The following CARMIL2 variants were observed in gnomAD, a reference collection of about 807,000 sequenced individuals.
The protein encoded by CARMIL2 is capping protein regulator and myosin 1 linker 2.
In CARMIL2, 96 loss-of-function variants were observed where a neutral mutation model predicts 173.3. The observed-to-expected ratio is 0.55, with a 90% confidence interval of 0.47 to 0.66. The LOEUF (loss-of-function observed/expected upper bound fraction) is 0.66. CARMIL2 is among the 30% of genes least tolerant of loss of function. The pLI is 0.00. For missense variants in CARMIL2, 1,771 were observed against 1,906.7 expected, an observed-to-expected ratio of 0.93 and a Z score of 1.33; for synonymous variants, 830 against 817.1, an observed-to-expected ratio of 1.02 and a Z score of -0.27.
chr16:67,651,264 C>T lies in CARMIL2; in HGVS notation c.2262C>T (p.Ala754=), dbSNP rs754294400. The part of the protein sequence containing the change: ...LGCGAGPQGE[A]AVRQAEDAIQ... ...GTGGGGCTGGGCCCCAGGGTGAAGC[C>T]GCTGTGCGCCAGGCCGAGGATGCCA... is the stretch of plus-strand genomic sequence containing the variant. The change falls in exon 23 of 38, where the codon GCC becomes GCT. Residue 754 remains alanine, a synonymous_variant. Coordinates refer to ENST00000334583, the MANE Select transcript of CARMIL2 (RefSeq NM_001013838.3). The surrounding 1 kb of genome is among the most constrained non-coding windows in gnomAD (Gnocchi z 4.2). The T allele has an allele frequency of 1.3e-5, 21 of 1,613,398 alleles. No individual in the cohort carries two copies. The highest frequency in any genetic ancestry group is 2.2e-5 in the East Asian group (1 of 44,888).
chr16:67,655,945 G>C, intron 32 of CARMIL2, 86 bp from the exon 33 acceptor site: 1 of 1,497,282 alleles, frequency 6.7e-7, no homozygotes, highest in Non-Finnish European at 9.1e-7. Context: ...GGCATTCAGT[G>C]GCAGGATTAT....
At chr16:67,654,057 G>A in intron 29 of CARMIL2, 92 bp from the exon 30 acceptor site, 1 of 823,936 alleles carries the variant, frequency 1.2e-6, no homozygotes, top group Non-Finnish European at 1.9e-6. Context: ...GAATCCTGGA[G>A]TTATTCAGTC....
Position 67,651,108 on chromosome 16 carries a change from A to G in CARMIL2, c.2185-79A>G. On this transcript the variant is annotated intron_variant, in intron 22 of 37. Coordinates refer to ENST00000334583, the MANE Select transcript of CARMIL2 (RefSeq NM_001013838.3). The surrounding 1 kb of genome is among the most constrained non-coding windows in gnomAD (Gnocchi z 4.2). The stretch of plus-strand genomic sequence containing the variant: ...TCAGCTTCAGGACCTCCCTCTGTTA[A>G]AGAGCCTGGGAGGAAGGCAGGCAGG... The G allele has an allele frequency of 1.3e-6, 2 of 1,525,800 alleles. No individual in the cohort carries two copies. Among genetic ancestry groups the G allele is most frequent in the Non-Finnish European group, 1.8e-6 (2 of 1,125,832 alleles). The allele number at this position is 1,525,800 out of a possible 1,614,324, so 94.5% of individuals were successfully genotyped here. A position where few individuals can be genotyped will look rare whatever the true frequency, so the allele number is the denominator to read the frequency against.
Position 67,653,702 on chromosome 16 carries a change from G to C in CARMIL2, c.3121-447G>C, listed in dbSNP as rs2052773831. Among the ~76,000 whole-genome samples, 1 of 152,142 alleles carries C rather than the reference G, an allele frequency of 6.6e-6. No homozygotes were observed. The highest frequency in any genetic ancestry group is 2.4e-5 in the African/African-American group (1 of 41,448). The stretch of plus-strand genomic sequence containing the variant: ...GCAGCGGGCACTGGCGGAGGGCGGG[G>C]AGGAGCCGGCTTGAGGCCCCCCAGA... On this transcript the variant is annotated intron_variant, in intron 29 of 37. Transcript: ENST00000334583. This position sits in a 1 kb window ranked among gnomAD's most constrained non-coding sequence, Gnocchi z 7.4.
At chr16:67,654,978 AGACTCAT>A in intron 32 of CARMIL2, 78 bp downstream of exon 32, 1 of 1,559,804 alleles carries the variant, frequency 6.4e-7, no homozygotes. Flanking sequence ...AAGATGGAGG[AGACTCAT>A]GACAGATAGG....
In CARMIL2 at chr16:67,653,059, T is replaced by C; in HGVS notation, c.2925T>C (p.Ala975=). Residue 975 remains alanine, a synonymous_variant, in exon 29 of 38, where the codon GCT becomes GCC. Transcript: ENST00000334583. The surrounding 1 kb of genome is among the most constrained non-coding windows in gnomAD (Gnocchi z 7.4). The part of the protein sequence containing the change: ...EEAEPEPELA[A]PGEDAEPQAG... ...CGGAGCCGGAGCCCGAGCTGGCGGCTCCGGGAGAAGATGCAGAGCCGCAGG... is the reference window on the plus strand; with the variant it reads ...CGGAGCCGGAGCCCGAGCTGGCGGCCCCGGGAGAAGATGCAGAGCCGCAGG... The C allele has an allele frequency of 2.4e-6, 3 of 1,268,166 alleles. No individual in the cohort carries two copies. Among genetic ancestry groups the C allele is most frequent in the Non-Finnish European group, 2.0e-6 (2 of 996,562 alleles). 78.6% of individuals were successfully genotyped at this position (1,268,166 alleles called of 1,614,324 possible). A position where few individuals can be genotyped will look rare whatever the true frequency, so the allele number is the denominator to read the frequency against.
Position 67,652,299 on chromosome 16 carries a change from G to A in CARMIL2, c.2777G>A (p.Gly926Asp), listed in dbSNP as rs1243753457. The A allele has an allele frequency of 6.2e-7, 1 of 1,613,316 alleles. No individual in the cohort carries two copies. The highest frequency in any genetic ancestry group is 8.5e-7 in the Non-Finnish European group (1 of 1,179,846). Residue 926 changes from glycine to aspartate, a missense_variant, in exon 27 of 38, where the codon GGT becomes GAT. This residue lies in a region of CARMIL2 where 817 missense variants were observed against 903.5 expected (regional missense o/e 0.90). Transcript: ENST00000334583. This position sits in a 1 kb window ranked among gnomAD's most constrained non-coding sequence, Gnocchi z 4.7. ...CTCCTTGAGCCTGGGGAATTGGAAG[G>A]TCTTTTCTTCCCCGAGGAGAAGGAA... ...PSLLEPGELE[G>D]LFFPEEKEEE...
In CARMIL2 at chr16:67,648,896, C is replaced by T. The variant is rs746709858; in HGVS notation, c.1513C>T (p.Arg505Cys). 7 of 1,603,782 alleles carry T rather than the reference C, an allele frequency of 4.4e-6. No homozygotes were observed. In the African/African-American group the frequency reaches 5.4e-5, roughly 12 times the overall value. The part of the protein sequence containing the change: ...LHLDLSACEL[R>C]SAGAQVIQDL... ...ACCTCCCACCTCCCACATACAGCTG[C>T]GCTCGGCCGGCGCCCAGGTGATACA... is the stretch of plus-strand genomic sequence containing the variant. Residue 505 changes from arginine (R) to cysteine (C), a missense_variant, in exon 17 of 38, where the codon CGC becomes TGC. By Grantham distance (180) the Arg-to-Cys change is radical. This residue lies in a region of CARMIL2 where 944 missense variants were observed against 975.6 expected (regional missense o/e 0.97). Transcript: ENST00000334583. The surrounding 1 kb of genome is among the most constrained non-coding windows in gnomAD (Gnocchi z 6.1).
At chr16:67,645,971 A>T in intron 3 of CARMIL2, 47 bp from the exon 4 acceptor site, 1 of 1,609,548 alleles carries the variant, frequency 6.2e-7, no homozygotes, top group South Asian at 1.1e-5. Flanking sequence ...GACTTCCATG[A>T]GGGCGGGGCT....
At chr16:67,656,969 G>C (rs2052874491) in intron 36 of CARMIL2, 88 bp downstream of exon 36, 1 of 1,104,122 alleles carries the variant, frequency 9.1e-7, no homozygotes, top group African/African-American at 1.6e-5. Flanking sequence ...TTGGTCCTTG[G>C]AGGGAGCCAC....
Position 67,653,051 on chromosome 16 carries a change from C to G in CARMIL2, c.2917C>G (p.Leu973Val), listed in dbSNP as rs1159934735. ...AAEEAEPEPE[L>V]AAPGEDAEPQ... Reference sequence around the variant, plus strand: ...TGAGGAAGCGGAGCCGGAGCCCGAGCTGGCGGCTCCGGGAGAAGATGCAGA... The same window carrying G: ...TGAGGAAGCGGAGCCGGAGCCCGAGGTGGCGGCTCCGGGAGAAGATGCAGA... The change falls in exon 29 of 38, where the codon CTG (leucine) becomes GTG (valine). Residue 973 changes from leucine to valine, a missense_variant. This residue lies in a region of CARMIL2 where 817 missense variants were observed against 903.5 expected (regional missense o/e 0.90). Transcript: ENST00000334583. The surrounding 1 kb of genome is among the most constrained non-coding windows in gnomAD (Gnocchi z 7.4). 3.9e-6 allele frequency: 5 copies of G among 1,271,174 alleles called. No homozygotes were observed. Among genetic ancestry groups the G allele is most frequent in the African/African-American group, 1.6e-5 (1 of 61,322 alleles). The allele number at this position is 1,271,174 out of a possible 1,614,324, so 78.7% of individuals were successfully genotyped here.
Position 67,652,287 on chromosome 16 carries a change from G to T in CARMIL2, c.2765G>T (p.Gly922Val), listed in dbSNP as rs1384850111. ...GGTGAGCCCAGCCTCCTTGAGCCTG[G>T]GGAATTGGAAGGTCTTTTCTTCCCC... ...DGGEPSLLEP[G>V]ELEGLFFPEE... Residue 922 changes from glycine (G) to valine (V), a missense_variant, in exon 27 of 38, where the codon GGG (glycine) becomes GTG (valine). This residue lies in a region of CARMIL2 where 817 missense variants were observed against 903.5 expected (regional missense o/e 0.90). Coordinates refer to ENST00000334583, the MANE Select transcript of CARMIL2 (RefSeq NM_001013838.3). This position sits in a 1 kb window ranked among gnomAD's most constrained non-coding sequence, Gnocchi z 4.7. The T allele has an allele frequency of 1.9e-6, 3 of 1,613,358 alleles. No homozygotes were observed. The highest frequency in any genetic ancestry group is 2.5e-6 in the Non-Finnish European group (3 of 1,179,852).
rs779712556 is a variant in CARMIL2 at position 67,654,493 on chromosome 16, G to A, written c.3383G>A (p.Arg1128Gln). The A allele has an allele frequency of 1.2e-6, 2 of 1,612,732 alleles. No individual in the cohort carries two copies. The highest frequency in any genetic ancestry group is 1.3e-5 in the African/African-American group (1 of 75,034). ...AGCCCTGGGGCAGCTCCCCGAACCC[G>A]AAAAACTACATTTGGCGACCTACTG... Reference protein sequence around the residue: ...ETSPGAAPRTRKTTFGDLLRP... With the variant: ...ETSPGAAPRTQKTTFGDLLRP... Residue 1128 changes from arginine to glutamine, a missense_variant, in exon 31 of 38, where the codon CGA becomes CAA. Around this residue, in one of 3 missense-constraint regions of CARMIL2, gnomAD observed 817 missense variants for 903.5 expected, o/e 0.90. Coordinates refer to ENST00000334583, the MANE Select transcript of CARMIL2 (RefSeq NM_001013838.3).
rs867897872 is a variant in CARMIL2, at chr16:67,654,093, G to A, written c.3121-56G>A. ...CAGGCTGCCGGCCGGGGGGGGGGGG[G>A]GGTAGAAGCCAGAGTTGCACTCAAC... On this transcript the variant is annotated intron_variant, in intron 29 of 37. Transcript: ENST00000334583. The A allele has an allele frequency of 1.7e-5, 18 of 1,069,130 alleles. 1 individual carries two copies. Among genetic ancestry groups the A allele is most frequent in the African/African-American group, 1.6e-4 (9 of 57,504 alleles). The allele number at this position is 1,069,130 out of a possible 1,614,324, so 66.2% of individuals were successfully genotyped here.
chr16:67,651,159 G>C lies in CARMIL2; in HGVS notation c.2185-28G>C, dbSNP rs748260988. 6.2e-7 allele frequency: 1 copy of C among 1,606,838 alleles called. No individual in the cohort carries two copies. The highest frequency in any genetic ancestry group is 8.5e-7 in the Non-Finnish European group (1 of 1,176,840). ...ATCTGGGAGACTGGGAGGGGGCTAG[G>C]CTGAGACTGATCCCCATTTCGCCCC... On this transcript the variant is annotated intron_variant, in intron 22 of 37. Coordinates refer to ENST00000334583, the MANE Select transcript of CARMIL2 (RefSeq NM_001013838.3). This position sits in a 1 kb window ranked among gnomAD's most constrained non-coding sequence, Gnocchi z 4.2.
chr16:67,654,568 G>A lies in CARMIL2; in HGVS notation c.3458G>A (p.Gly1153Glu). The A allele has an allele frequency of 6.2e-7, 1 of 1,611,530 alleles. No individual in the cohort carries two copies. Among genetic ancestry groups the A allele is most frequent in the South Asian group, 1.1e-5 (1 of 90,948 alleles). ...GGTGAGGAGCTTGGTGGGGCTGAGGGGGACACCAGCAGCCCTGACCCTGCC... is the reference window on the plus strand; with the variant it reads ...GGTGAGGAGCTTGGTGGGGCTGAGGAGGACACCAGCAGCCCTGACCCTGCC... ...SRGEELGGAE[G>E]DTSSPDPAGR... Residue 1153 changes from glycine to glutamate, a missense_variant, in exon 31 of 38, where the codon GGG becomes GAG. Gly to Glu is a moderately conservative substitution (Grantham distance 98). This residue lies in a region of CARMIL2 where 817 missense variants were observed against 903.5 expected (regional missense o/e 0.90). Coordinates refer to ENST00000334583, the MANE Select transcript of CARMIL2 (RefSeq NM_001013838.3).
intron 29 of CARMIL2, 34 bp from the exon 30 acceptor site, chr16:67,654,115 C>T (rs1219454262): frequency 8.7e-7 from 1 of 1,147,388 alleles, no homozygotes; most frequent in Non-Finnish European, 1.2e-6. Flanking sequence ...GAGTTGCACT[C>T]AACCCTGACC....
chr16:67,654,708 G>C lies in CARMIL2; in HGVS notation c.3582+16G>C. The C allele has an allele frequency of 6.3e-7, 1 of 1,599,482 alleles. No individual in the cohort carries two copies. The highest frequency in any genetic ancestry group is 8.5e-7 in the Non-Finnish European group (1 of 1,171,994). On this transcript the variant is annotated intron_variant, in intron 31 of 37. Coordinates refer to ENST00000334583, the MANE Select transcript of CARMIL2 (RefSeq NM_001013838.3). ...ACCCGACAAGGTGAGGCTTGCTGATGGGGGGTGGTGAAGGCGCTTCTGGGA... is the reference window on the plus strand; with the variant it reads ...ACCCGACAAGGTGAGGCTTGCTGATCGGGGGTGGTGAAGGCGCTTCTGGGA...
At position 67,651,945 on chromosome 16, in the gene CARMIL2, G is replaced by A; in HGVS notation, c.2613G>A (p.Gly871=). Residue 871 remains glycine (G), a synonymous_variant, in exon 26 of 38, where the codon GGG becomes GGA. Coordinates refer to ENST00000334583, the MANE Select transcript of CARMIL2 (RefSeq NM_001013838.3). The surrounding 1 kb of genome is among the most constrained non-coding windows in gnomAD (Gnocchi z 4.2). The part of the protein sequence containing the change: ...RLRDMRLSIT[G]TLAESIVAQA... ...GGGACATGCGGCTATCAATCACGGG[G>A]ACCTTGGCAGAGAGCATTGTGGCTC... 2 of 1,613,590 alleles carry A rather than the reference G, an allele frequency of 1.2e-6. No individual in the cohort carries two copies. The highest frequency in any genetic ancestry group is 1.7e-6 in the Non-Finnish European group (2 of 1,179,872).
Sources: allele counts gnomAD v4.1 joint callset (sites outside exome capture counted in the v4.1 genomes callset), GRCh38; gene constraint gnomAD v4.1.1; regional missense constraint gnomAD v4.1.1; non-coding constraint Gnocchi (gnomAD v3.1); transcripts MANE v1.5; gene names NCBI Gene and HGNC (gene_info 2026-07-23, HGNC 2026-07-21).